MACF1: variants seen among roughly 807,000 people sequenced by gnomAD.
MACF1 encodes the protein microtubule actin crosslinking factor 1, also known as microtubule-actin cross-linking factor 1.
In MACF1, 193 loss-of-function variants were observed where a neutral mutation model predicts 854.8. The observed-to-expected ratio is 0.23, with a 90% confidence interval of 0.20 to 0.25. The LOEUF is 0.25. MACF1 is among the 10% of genes least tolerant of loss of function. The probability of loss-of-function intolerance (pLI) is 1.00; values close to 1 mark genes in which losing one functional copy is unlikely to be tolerated. For synonymous variants in MACF1, 3,185 were observed against 3,226.7 expected, an observed-to-expected ratio of 0.99 and a Z score of 0.44; for missense variants, 7,722 against 8,929.1, an observed-to-expected ratio of 0.86 and a Z score of 5.45.
chr1:39,243,343 TAGAA>T (rs1225588979), intron 2 of MACF1, among the ~76,000 whole-genome samples: 5 of 152,238 alleles, frequency 3.3e-5, no homozygotes, highest in African/African-American at 9.6e-5. Flanking sequence ...AATTATTTGT[TAGAA>T]AGAAGCATCC....
chr1:39,098,492 G>A (rs772092496), intron 2 of MACF1, among the ~76,000 whole-genome samples: 2 of 152,238 alleles, frequency 1.3e-5, no homozygotes, highest in Non-Finnish European at 2.9e-5. Context: ...TTCACGGAGT[G>A]CCTTAACATC....
chr1:39,408,951 C>T (rs2636338), intron 58 of MACF1, among the ~76,000 whole-genome samples: 1 of 151,860 alleles, frequency 6.6e-6, no homozygotes, highest in Non-Finnish European at 1.5e-5. Context: ...GGCCCCGCCC[C>T]CGCCCTCGTC....
At chr1:39,329,943 G>A (rs1336570660) in intron 36 of MACF1, among the ~76,000 whole-genome samples, 1 of 152,176 alleles carries the variant, frequency 6.6e-6, no homozygotes, top group Non-Finnish European at 1.5e-5. Flanking sequence ...GGACAAACAA[G>A]ATTTAGAATC....
chr1:39,287,911 A>T (rs186931739), intron 15 of MACF1, among the ~76,000 whole-genome samples: 1 of 152,310 alleles, frequency 6.6e-6, no homozygotes, highest in Admixed American at 6.5e-5. Flanking sequence ...ACTGAATAGC[A>T]TACAGTTTTC....
intron 1 of MACF1, among the ~76,000 whole-genome samples, chr1:39,230,318 C>T (rs1203990232): frequency 6.6e-6 from 1 of 152,104 alleles, no homozygotes; most frequent in East Asian, 1.9e-4. Flanking sequence ...TGAACCAAGT[C>T]ATCGGGGAAG....
At chr1:39,440,668 T>G (rs939166534) in intron 72 of MACF1, among the ~76,000 whole-genome samples, 13 of 152,212 alleles carry the variant, frequency 8.5e-5, no homozygotes, top group African/African-American at 2.9e-4. Flanking sequence ...TGACTTGTAC[T>G]GTGTTATTTT....
At chr1:39,117,873 A>T (rs1262660760) in intron 2 of MACF1, among the ~76,000 whole-genome samples, 1 of 152,254 alleles carries the variant, frequency 6.6e-6, no homozygotes, top group Non-Finnish European at 1.5e-5. Context: ...ACAGTAGAAG[A>T]TATCCTAAAA....
rs116733547 is a variant in MACF1, at chr1:39,373,834, C to T, written c.13213+1238C>T. Among the ~76,000 whole-genome samples, 243 of 147,798 alleles carry T rather than the reference C, an allele frequency of 1.6e-3. 2 individuals carry two copies. Among genetic ancestry groups the T allele is most frequent in the African/African-American group, 5.6e-3 (223 of 39,948 alleles). ...TGCCACTGTATTCCAGCCTGGGCGA[C>T]GGACGGAGACCCCATCTCAAAAAAA... On this transcript the variant is annotated intron_variant, in intron 52 of 100. Coordinates refer to ENST00000564288, the MANE Select transcript of MACF1 (RefSeq NM_001394062.1).
intron 38 of MACF1, among the ~76,000 whole-genome samples, chr1:39,339,572 A>G (rs751867846): frequency 5.4e-4 from 82 of 152,226 alleles, no homozygotes; most frequent in Non-Finnish European, 2.2e-4. Context: ...GACAATTAAT[A>G]TAGATCCTTC....
intron 1 of MACF1, among the ~76,000 whole-genome samples, chr1:39,207,569 C>T (rs550229074): frequency 7.9e-5 from 12 of 151,970 alleles, no homozygotes; most frequent in African/African-American, 9.7e-5. Context: ...TGTGAGCCAC[C>T]GTGCCTGGCT....
intron 2 of MACF1, among the ~76,000 whole-genome samples, chr1:39,133,836 A>G (rs572087268): frequency 7.2e-5 from 11 of 152,224 alleles, no homozygotes; most frequent in Middle Eastern, 3.4e-3. Flanking sequence ...TAAATAAATT[A>G]TTAGGTTTCT....
At chr1:39,125,429 A>G (rs1352233118) in intron 2 of MACF1, among the ~76,000 whole-genome samples, 1 of 152,236 alleles carries the variant, frequency 6.6e-6, no homozygotes, top group Non-Finnish European at 1.5e-5. Context: ...TGAGGTTTGA[A>G]TAAGATAATA....
At chr1:39,317,150 C>T in intron 28 of MACF1, 64 bp from the exon 29 acceptor site, 3 of 1,519,488 alleles carry the variant, frequency 2.0e-6, no homozygotes, top group Non-Finnish European at 1.8e-6. Flanking sequence ...TGTTTCCCAC[C>T]TTAGACTGAC....
intron 23 of MACF1, chr1:39,304,590 G>A: frequency 1.4e-6 from 1 of 723,846 alleles, no homozygotes; most frequent in Non-Finnish European, 2.2e-6. Flanking sequence ...TTGAGACAGA[G>A]CCTTGCTCTG....
At chr1:39,328,565 G>A (rs1157342515) in intron 36 of MACF1, 1 of 152,158 alleles carries the variant, frequency 6.6e-6, no homozygotes, top group African/African-American at 2.4e-5. Flanking sequence ...AAAAGAGGAC[G>A]ACCTGTTTGG....
chr1:39,452,040 C>T (rs1644352557), intron 85 of MACF1, 116 bp from the exon 86 acceptor site: 6 of 882,130 alleles, frequency 6.8e-6, no homozygotes, highest in Non-Finnish European at 1.0e-5. Context: ...GCTCTGCCTC[C>T]CTCTATGCAT....
intron 89 of MACF1, chr1:39,457,145 C>T (rs1463848593): frequency 6.6e-6 from 1 of 152,270 alleles, no homozygotes; most frequent in Admixed American, 6.5e-5. Context: ...TCAGCACTAT[C>T]ATCTCCTAAA....
chr1:39,469,962 A>C (rs974144873), intron 97 of MACF1, among the ~76,000 whole-genome samples: 2 of 152,218 alleles, frequency 1.3e-5, no homozygotes, highest in African/African-American at 4.8e-5. Context: ...AGAAAACGTA[A>C]ATAATTTGCC....
chr1:39,105,551 C>A lies in MACF1; in HGVS notation c.220+21113C>A. ...GACGCACAAAGGGTCGAGGCTGGGGCCGCCGCCGCCTCAGCGCGCGGGCCT... is the reference window on the plus strand; with the variant it reads ...GACGCACAAAGGGTCGAGGCTGGGGACGCCGCCGCCTCAGCGCGCGGGCCT... On this transcript the variant is annotated intron_variant, in intron 2 of 93. Transcript: ENST00000361689. The surrounding 1 kb of genome is among the most constrained non-coding windows in gnomAD (Gnocchi z 5.9). 9.4e-7 allele frequency: 1 copy of A among 1,063,484 alleles called. No homozygotes were observed. 65.9% of individuals were successfully genotyped at this position (1,063,484 alleles called of 1,614,324 possible). A position where few individuals can be genotyped will look rare whatever the true frequency, so the allele number is the denominator to read the frequency against.
Sources: gnomAD v4.1 joint callset for allele counts (sites outside exome capture counted in the v4.1 genomes callset) on GRCh38, gnomAD v4.1.1 for gene constraint, Gnocchi (gnomAD v3.1) non-coding constraint, MANE v1.5 for transcripts, NCBI Gene and HGNC (gene_info 2026-07-23, HGNC 2026-07-21) for gene names.